LNX1: variants seen among roughly 807,000 people sequenced by gnomAD.
The protein encoded by LNX1 is E3 ubiquitin-protein ligase LNX.
A neutral mutation model predicts 68.4 loss-of-function variants in LNX1; 54 were observed. That is an observed-to-expected ratio of 0.79 (90% CI 0.63 to 0.99). LNX1 has a LOEUF of 0.99. Ranked by LOEUF, LNX1 falls within the 50% of genes least tolerant of loss-of-function variation. LNX1 has a pLI of 0.00. For synonymous variants in LNX1, 336 were observed against 350.0 expected (o/e 0.96, Z 0.45); for missense variants, 906 against 926.4 (o/e 0.98, Z 0.29).
intron 1 of LNX1, among the ~76,000 whole-genome samples, chr4:53,589,579 T>C (rs1352311853): frequency 1.3e-5 from 2 of 152,230 alleles, no homozygotes; most frequent in Admixed American, 1.3e-4. Flanking sequence ...AGCTACCTCA[T>C]TTACTTCTCA....
At chr4:53,477,740 A>T (rs3946758) in intron 8 of LNX1, among the ~76,000 whole-genome samples, 123,504 of 152,022 alleles carry the variant, frequency 0.81, 50,300 homozygotes, top group Middle Eastern at 0.86. Flanking sequence ...CTTTTGCTTA[A>T]CTTTCTTATA....
At chr4:53,599,658 T>C (rs1052636607) in intron 2 of LNX1, among the ~76,000 whole-genome samples, 4 of 152,180 alleles carry the variant, frequency 2.6e-5, no homozygotes, top group African/African-American at 9.7e-5. Context: ...ACAGTGCCAG[T>C]TGACTATAGA....
At chr4:53,552,468 G>A (rs6554112) in intron 2 of LNX1, among the ~76,000 whole-genome samples, 103,669 of 152,062 alleles carry the variant, frequency 0.68, 35,393 homozygotes, top group Middle Eastern at 0.74. Flanking sequence ...TGTGGAGAAC[G>A]AAATGCACCA....
intron 2 of LNX1, among the ~76,000 whole-genome samples, chr4:53,541,740 A>C (rs1305846844): frequency 4.8e-5 from 3 of 62,536 alleles, no homozygotes; most frequent in African/African-American, 1.4e-4. Flanking sequence ...GCTCAGTCTG[A>C]GTCATTAAAA....
intron 2 of LNX1, among the ~76,000 whole-genome samples, chr4:53,615,050 T>A (rs1032251414): frequency 6.6e-6 from 1 of 151,904 alleles, no homozygotes; most frequent in African/African-American, 2.4e-5. Context: ...CCTAGTTTTG[T>A]CATGATGCTT....
At chr4:53,499,737 C>A (rs1408157561) in intron 4 of LNX1, among the ~76,000 whole-genome samples, 1 of 152,174 alleles carries the variant, frequency 6.6e-6, no homozygotes, top group South Asian at 2.1e-4. Context: ...CTTGGGGGAA[C>A]ATCAGTTCTT....
chr4:53,645,210 G>A (rs1398312060), intron 1 of LNX1, among the ~76,000 whole-genome samples: 2 of 152,170 alleles, frequency 1.3e-5, no homozygotes, highest in Non-Finnish European at 2.9e-5. Flanking sequence ...GAATCCAGAG[G>A]AAGGGCTCCT....
chr4:53,461,101 G>A lies in LNX1; in HGVS notation c.2052-59C>T, dbSNP rs1722004743. 2.5e-5 allele frequency: 36 copies of A among 1,423,862 alleles called. No individual in the cohort carries two copies. The South Asian group carries it at 4.9e-4, about 19-fold the overall frequency. The allele number at this position is 1,423,862 out of a possible 1,614,324, so 88.2% of individuals were successfully genotyped here. On this transcript the variant is annotated intron_variant, in intron 10 of 10. Transcript: ENST00000263925. The stretch of plus-strand genomic sequence containing the variant: ...ATTTTAATTCGTTGCTGAAGTTAAT[G>A]CAAGTTTATCTTAGTGGTGCTAGAT...
chr4:53,611,991 A>C (rs1018336730), intron 2 of LNX1, among the ~76,000 whole-genome samples: 5 of 152,218 alleles, frequency 3.3e-5, no homozygotes, highest in African/African-American at 1.2e-4. Flanking sequence ...TGTGAACACT[A>C]GTTATCATTT....
intron 1 of LNX1, among the ~76,000 whole-genome samples, chr4:53,629,807 T>A (rs528865808): frequency 3.9e-5 from 6 of 152,162 alleles, no homozygotes; most frequent in Non-Finnish European, 7.3e-5. Context: ...GATAGAGCCC[T>A]TCTGTTTGGT....
Position 53,498,800 on chromosome 4 carries a change from G to C in LNX1, c.819C>G (p.Thr273=). ...GATCTACTCGATTGATCTTGATGCTGGTAATTTCACCATCTGGAATCAGGT... is the reference window on the plus strand; with the variant it reads ...GATCTACTCGATTGATCTTGATGCTCGTAATTTCACCATCTGGAATCAGGT... The part of the protein sequence containing the change: ...LYHLIPDGEI[T]SIKINRVDPS... Residue 273 remains threonine, a synonymous_variant, in exon 5 of 11, where the codon ACC becomes ACG. Transcript: ENST00000263925. 6.2e-7 allele frequency: 1 copy of C among 1,613,970 alleles called. No individual in the cohort carries two copies. The highest frequency in any genetic ancestry group is 8.5e-7 in the Non-Finnish European group (1 of 1,179,976).
chr4:53,605,641 G>GT (rs796667980), intron 2 of LNX1, among the ~76,000 whole-genome samples: 34 of 152,008 alleles, frequency 2.2e-4, no homozygotes, highest in African/African-American at 5.8e-4. Flanking sequence ...CTGTATTCAT[G>GT]TTTTTTTTAA....
intron 2 of LNX1, among the ~76,000 whole-genome samples, chr4:53,596,946 C>T (rs1387515116): frequency 6.6e-6 from 1 of 152,028 alleles, no homozygotes; most frequent in Non-Finnish European, 1.5e-5. Flanking sequence ...TTTTTCATTC[C>T]CTTCCTCAAA....
intron 2 of LNX1, among the ~76,000 whole-genome samples, chr4:53,599,632 G>A (rs1275666377): frequency 6.6e-6 from 1 of 152,066 alleles, no homozygotes; most frequent in African/African-American, 2.4e-5. Context: ...GTCTGGATCG[G>A]GACCCCTTTC....
At chr4:53,584,045 G>A (rs1375858913) in intron 1 of LNX1, among the ~76,000 whole-genome samples, 5 of 152,144 alleles carry the variant, frequency 3.3e-5, no homozygotes, top group African/African-American at 1.2e-4. Flanking sequence ...CAAGGATCCC[G>A]GGAAGAGCTG....
rs1017044795 is a variant in LNX1, at chr4:53,600,492, G to A, written c.-214-8977C>T. Among the ~76,000 whole-genome samples, 27 of 152,160 alleles carry A rather than the reference G, an allele frequency of 1.8e-4. 2 individuals carry two copies. Among genetic ancestry groups the A allele is most frequent in the Admixed American group, 1.4e-3 (22 of 15,292 alleles). The stretch of plus-strand genomic sequence containing the variant: ...CCTCAAAAACACAGATTATGGCCAA[G>A]GAGCTCATCCCTTTATTTATCTTAA... On this transcript the variant is annotated intron_variant, in intron 2 of 3. Coordinates refer to the LNX1 transcript ENST00000504299.
At chr4:53,486,569 C>T (rs1479861416) in intron 6 of LNX1, among the ~76,000 whole-genome samples, 2 of 152,166 alleles carry the variant, frequency 1.3e-5, no homozygotes, top group Admixed American at 6.5e-5. Context: ...CGGAATGTTT[C>T]CTACTGCAGG....
intron 1 of LNX1, among the ~76,000 whole-genome samples, chr4:53,644,081 T>C (rs530856986): frequency 2.6e-5 from 4 of 152,250 alleles, no homozygotes; most frequent in Admixed American, 6.5e-5. Context: ...CTATGTTTTG[T>C]ACTTCATTCT....
intron 2 of LNX1, among the ~76,000 whole-genome samples, chr4:53,614,207 G>A (rs1733600917): frequency 6.6e-6 from 1 of 152,042 alleles, no homozygotes; most frequent in African/African-American, 2.4e-5. Context: ...TGCTTTTTCA[G>A]GAAAGTTTGC....
Sources: allele counts gnomAD v4.1 joint callset (sites outside exome capture counted in the v4.1 genomes callset), GRCh38; gene constraint gnomAD v4.1.1; transcripts MANE v1.5; gene names NCBI Gene and HGNC (gene_info 2026-07-23, HGNC 2026-07-21).